Variants in FSTL1 observed in about 807,000 individuals in gnomAD.
FSTL1 encodes the protein follistatin-related protein 1.
A neutral mutation model predicts 45.9 loss-of-function variants in FSTL1; 24 were observed. The ratio of observed to expected loss-of-function variants is 0.52; its 90% CI spans 0.38 to 0.74. The LOEUF (loss-of-function observed/expected upper bound fraction) is 0.74, where lower values mean the gene tolerates loss of function less well. Among genes scored for constraint, FSTL1 ranks in the 30% least tolerant of loss-of-function variants. FSTL1 has a pLI of 0.00. For synonymous variants in FSTL1, 120 were observed against 137.6 expected (o/e 0.87, Z 0.89); for missense variants, 340 against 381.8 (o/e 0.89, Z 0.91).
intron 2 of FSTL1, among the ~76,000 whole-genome samples, chr3:120,425,511 T>C (rs1410481665): frequency 1.3e-5 from 2 of 152,158 alleles, no homozygotes; most frequent in African/African-American, 4.8e-5. Context: ...GCCTCTAACA[T>C]ATGGTGTGAC....
intron 3 of FSTL1, among the ~76,000 whole-genome samples, chr3:120,415,018 G>GA (rs200534878): frequency 0.014 from 2,126 of 147,152 alleles, 26 homozygotes; most frequent in Non-Finnish European, 0.019. Context: ...AAAAAAGAAA[G>GA]AAAAAAAATC....
At chr3:120,411,743 T>G in intron 4 of FSTL1, 111 bp downstream of exon 4, 1 of 961,596 alleles carries the variant, frequency 1.0e-6, no homozygotes, top group African/African-American at 1.6e-5. Context: ...TCCACAGCTT[T>G]GAGAGGCTGT....
intron 2 of FSTL1, among the ~76,000 whole-genome samples, chr3:120,432,232 C>T (rs570605548): frequency 2.6e-5 from 4 of 152,328 alleles, no homozygotes; most frequent in African/African-American, 9.6e-5. Context: ...ATTACACACA[C>T]ACAAACACAG....
intron 2 of FSTL1, chr3:120,423,636 A>C (rs1937323332): frequency 6.6e-6 from 1 of 152,154 alleles, no homozygotes; most frequent in Non-Finnish European, 1.5e-5. Context: ...CTCATGGTCC[A>C]CAGTGACGAG....
At chr3:120,424,458 T>C (rs990836727) in intron 2 of FSTL1, among the ~76,000 whole-genome samples, 29 of 152,192 alleles carry the variant, frequency 1.9e-4, no homozygotes, top group African/African-American at 6.0e-4. Context: ...ATAGAAGAGA[T>C]GGGACTTGAG....
At position 120,434,431 on chromosome 3, in the gene FSTL1, T is replaced by C. The variant is rs138531189; in HGVS notation, c.63+16253A>G. On this transcript the variant is annotated intron_variant, in intron 2 of 10. Transcript: ENST00000295633. ...CTTGCCTTCCTGAGGAAACTTAGTT[T>C]ATGAGGTGAGTTCAGCAAGGCCACT... Among the ~76,000 whole-genome samples, 362 of 152,280 alleles carry C rather than the reference T, an allele frequency of 2.4e-3. 2 individuals are homozygous for C. The highest frequency in any genetic ancestry group is 7.0e-3 in the African/African-American group (291 of 41,566).
chr3:120,411,170 G>A, intron 4 of FSTL1, 186 bp from the exon 5 acceptor site: 1 of 532,916 alleles, frequency 1.9e-6, no homozygotes, highest in South Asian at 2.2e-5. Context: ...TCTGTCTCCT[G>A]CTTTGTCTGA....
chr3:120,430,270 A>G (rs903763838), intron 2 of FSTL1, among the ~76,000 whole-genome samples: 4 of 152,166 alleles, frequency 2.6e-5, no homozygotes, highest in African/African-American at 9.7e-5. Flanking sequence ...AGTTCCTGAC[A>G]GTTACTCATT....
chr3:120,402,685 G>T, intron 9 of FSTL1, 123 bp downstream of exon 9: 3 of 689,944 alleles, frequency 4.3e-6, no homozygotes, highest in Non-Finnish European at 8.0e-6. Flanking sequence ...GTGTGGGTCT[G>T]CCTGGGTTCC....
At chr3:120,411,587 C>T (rs970014277) in intron 4 of FSTL1, among the ~76,000 whole-genome samples, 1 of 152,230 alleles carries the variant, frequency 6.6e-6, no homozygotes, top group African/African-American at 2.4e-5. Context: ...GGGGTCCACC[C>T]TATCTACTAT....
chr3:120,450,855 G>C, intron 1 of FSTL1, 42 bp downstream of exon 1: 1 of 704,832 alleles, frequency 1.4e-6, no homozygotes, highest in Non-Finnish European at 2.2e-6. Context: ...ACCCCCGGCC[G>C]CCCGAAGAGT....
At chr3:120,405,690 A>G (rs1936933436) in intron 6 of FSTL1, among the ~76,000 whole-genome samples, 1 of 152,214 alleles carries the variant, frequency 6.6e-6, no homozygotes, top group Non-Finnish European at 1.5e-5. Flanking sequence ...CTCATGACCC[A>G]GCTGGCATCC....
chr3:120,421,190 A>C (rs1424165595), intron 2 of FSTL1: 1 of 152,254 alleles, frequency 6.6e-6, no homozygotes, highest in Non-Finnish European at 1.5e-5. Context: ...TGTCAGTTTA[A>C]TATACCATCA....
intron 2 of FSTL1, among the ~76,000 whole-genome samples, chr3:120,444,931 G>C (rs1937705567): frequency 1.3e-5 from 2 of 149,812 alleles, no homozygotes; most frequent in Admixed American, 1.3e-4. Flanking sequence ...GCTGTTCCAT[G>C]ATTTATTTAA....
chr3:120,418,848 A>G (rs1290959808), intron 2 of FSTL1, among the ~76,000 whole-genome samples: 2 of 152,168 alleles, frequency 1.3e-5, no homozygotes, highest in Admixed American at 1.3e-4. Context: ...GAAAGTGGCT[A>G]TTACTACAGT....
chr3:120,411,747 A>T, intron 4 of FSTL1, 107 bp downstream of exon 4: 1 of 980,322 alleles, frequency 1.0e-6, no homozygotes, highest in Non-Finnish European at 1.6e-6. Flanking sequence ...CAGCTTTGAG[A>T]GGCTGTGGTC....
chr3:120,411,706 G>A, intron 4 of FSTL1, 148 bp downstream of exon 4: 1 of 710,020 alleles, frequency 1.4e-6, no homozygotes, highest in Non-Finnish European at 2.4e-6. Flanking sequence ...GTGACAAGAG[G>A]ATGCAACTCC....
chr3:120,411,659 G>A (rs955913821), intron 4 of FSTL1, among the ~76,000 whole-genome samples, 195 bp downstream of exon 4: 4 of 152,238 alleles, frequency 2.6e-5, no homozygotes, highest in African/African-American at 9.6e-5. Context: ...CTGGGCAGAG[G>A]CCTGGGCCAT....
intron 9 of FSTL1, 65 bp from the exon 10 acceptor site, chr3:120,400,024 A>T (rs1392611333): frequency 1.2e-5 from 12 of 1,032,170 alleles, no homozygotes; most frequent in Non-Finnish European, 1.8e-5. Context: ...ATCCGCCAAG[A>T]TCTACCTAGA....
Sources: gnomAD v4.1 joint callset for allele counts (sites outside exome capture counted in the v4.1 genomes callset) on GRCh38, gnomAD v4.1.1 for gene constraint, MANE v1.5 for transcripts, NCBI Gene and HGNC (gene_info 2026-07-23, HGNC 2026-07-21) for gene names.